The following TMEM132D variants were observed in gnomAD, a reference collection of about 807,000 sequenced individuals.
TMEM132D encodes the protein mature OL transmembrane protein.
In TMEM132D, 21 loss-of-function variants were observed where a neutral mutation model predicts 62.3. The ratio of observed to expected loss-of-function variants is 0.34; its 90% CI spans 0.24 to 0.49. The LOEUF (loss-of-function observed/expected upper bound fraction) is 0.49, where lower values mean the gene tolerates loss of function less well. Among genes scored for constraint, TMEM132D ranks in the 20% least tolerant of loss-of-function variants. TMEM132D has a pLI of 0.99. For missense variants in TMEM132D, 1,346 were observed against 1,402.8 expected, an observed-to-expected ratio of 0.96 and a Z score of 0.65; for synonymous variants, 621 against 575.6, an observed-to-expected ratio of 1.08 and a Z score of -1.13.
chr12:129,870,522 C>A (rs1214486280), intron 1 of TMEM132D, among the ~76,000 whole-genome samples: 1 of 152,162 alleles, frequency 6.6e-6, no homozygotes, highest in African/African-American at 2.4e-5. Context: ...AGCATGATGC[C>A]CTGGATTCCA....
intron 1 of TMEM132D, among the ~76,000 whole-genome samples, chr12:129,896,646 A>C (rs1875145914): frequency 6.6e-6 from 1 of 152,178 alleles, no homozygotes; most frequent in Admixed American, 6.5e-5. Context: ...AGAATAACTT[A>C]ATGTCACTAA....
At chr12:129,396,294 C>T (rs886773794) in intron 3 of TMEM132D, among the ~76,000 whole-genome samples, 14 of 152,096 alleles carry the variant, frequency 9.2e-5, no homozygotes, top group African/African-American at 2.7e-4. Context: ...GGCGGACACT[C>T]TTAATTATCT....
chr12:129,832,078 G>A (rs1179183027), intron 1 of TMEM132D, among the ~76,000 whole-genome samples: 1 of 128,932 alleles, frequency 7.8e-6, no homozygotes, highest in East Asian at 2.3e-4. Flanking sequence ...TAGTAGAGAC[G>A]AGGTTTCACC....
At chr12:129,728,865 T>C (rs1034941801) in intron 1 of TMEM132D, among the ~76,000 whole-genome samples, 2 of 152,150 alleles carry the variant, frequency 1.3e-5, no homozygotes, top group Non-Finnish European at 2.9e-5. Flanking sequence ...CTTCATGTAC[T>C]CCTTTTTCAC....
chr12:129,900,643 A>G (rs12422310), intron 1 of TMEM132D, among the ~76,000 whole-genome samples: 1 of 151,816 alleles, frequency 6.6e-6, no homozygotes, highest in Non-Finnish European at 1.5e-5. Context: ...CCTCTGCCCA[A>G]CTCCAATCTC....
chr12:129,434,992 G>T lies in TMEM132D; in HGVS notation c.1115+96067C>A, dbSNP rs571982142. Among the ~76,000 whole-genome samples, 12 of 152,164 alleles carry T rather than the reference G, an allele frequency of 7.9e-5. No homozygotes were observed. The East Asian group carries it at 1.7e-3, about 22-fold the overall frequency. On this transcript the variant is annotated intron_variant, in intron 3 of 8. Transcript: ENST00000422113. ...GCCCCAGTACCCTCCCTAGCCTCTG[G>T]TAACCTCTACTTTACTGTGTAATTC...
At chr12:129,265,901 A>G (rs1254227606) in intron 4 of TMEM132D, among the ~76,000 whole-genome samples, 1 of 151,978 alleles carries the variant, frequency 6.6e-6, no homozygotes, top group Non-Finnish European at 1.5e-5. Context: ...CCCTCACAGG[A>G]CTCATCTCAT....
intron 1 of TMEM132D, among the ~76,000 whole-genome samples, chr12:129,732,929 C>T (rs755765693): frequency 1.3e-5 from 2 of 152,136 alleles, no homozygotes; most frequent in East Asian, 1.9e-4. Context: ...AATCTCTGGA[C>T]ACCAAGGCTC....
intron 3 of TMEM132D, among the ~76,000 whole-genome samples, chr12:129,453,437 G>A (rs1873365028): frequency 6.6e-6 from 1 of 152,148 alleles, no homozygotes; most frequent in Admixed American, 6.6e-5. Context: ...CAACTGGAGA[G>A]TTCCTTTTCT....
At chr12:129,578,424 G>GTGTGTGTGTGTGTGTGTA (rs773756392) in intron 2 of TMEM132D, among the ~76,000 whole-genome samples, 3 of 150,520 alleles carry the variant, frequency 2.0e-5, no homozygotes, top group African/African-American at 7.3e-5. Flanking sequence ...GTGTGTGTGT[G>GTGTGTGTGTGTGTGTGTA]TATATATATA....
intron 1 of TMEM132D, among the ~76,000 whole-genome samples, chr12:129,886,249 G>A (rs1227593605): frequency 6.6e-6 from 1 of 152,190 alleles, no homozygotes; most frequent in Non-Finnish European, 1.5e-5. Flanking sequence ...TAAAGGAACT[G>A]TCTAATTGTA....
intron 1 of TMEM132D, among the ~76,000 whole-genome samples, chr12:129,730,729 G>A (rs1041394976): frequency 2.6e-5 from 4 of 151,816 alleles, no homozygotes; most frequent in Non-Finnish European, 4.4e-5. Flanking sequence ...CTGCCAGCAC[G>A]GCTGGGATAA....
At chr12:129,487,872 G>C (rs1874634381) in intron 3 of TMEM132D, among the ~76,000 whole-genome samples, 1 of 144,786 alleles carries the variant, frequency 6.9e-6, no homozygotes, top group Non-Finnish European at 1.5e-5. Flanking sequence ...GGGAGGTGGA[G>C]CTTGCAGTGA....
At chr12:129,629,926 C>G (rs1285084399) in intron 2 of TMEM132D, among the ~76,000 whole-genome samples, 2 of 152,144 alleles carry the variant, frequency 1.3e-5, no homozygotes, top group Non-Finnish European at 2.9e-5. Context: ...ATCTATTACT[C>G]AAGATCAAGA....
In TMEM132D at chr12:129,903,875, C is replaced by T. The variant is rs1224404699; in HGVS notation, c.-536G>A. 1.4e-5 allele frequency among the ~76,000 whole-genome samples: 2 copies of T among 146,920 alleles called. No homozygotes were observed. Among genetic ancestry groups the T allele is most frequent in the Non-Finnish European group, 3.0e-5 (2 of 66,044 alleles). On this transcript the variant is annotated 5_prime_UTR_variant, in exon 1 of 9. Transcript: ENST00000422113. The surrounding 1 kb of genome is among the most constrained non-coding windows in gnomAD (Gnocchi z 6.2). ...GGCTCCCTGGCCCGCAGCCCCCATC[C>T]CAGGCCGGCCGCTGCGCCTCGGGGC...
At chr12:129,180,906 G>C (rs904532613) in intron 5 of TMEM132D, among the ~76,000 whole-genome samples, 3 of 152,152 alleles carry the variant, frequency 2.0e-5, no homozygotes, top group Non-Finnish European at 4.4e-5. Flanking sequence ...GGGCTACAGA[G>C]AGGAGTCTAG....
At chr12:129,398,030 C>T (rs1305393317) in intron 3 of TMEM132D, among the ~76,000 whole-genome samples, 1 of 152,200 alleles carries the variant, frequency 6.6e-6, no homozygotes, top group Non-Finnish European at 1.5e-5. Context: ...ACCCAACACC[C>T]CATGTTGCTT....
At chr12:129,812,392 A>G (rs560343188) in intron 1 of TMEM132D, among the ~76,000 whole-genome samples, 7 of 151,910 alleles carry the variant, frequency 4.6e-5, no homozygotes, top group African/African-American at 1.4e-4. Context: ...TGGACATCTA[A>G]AAACCCAACA....
intron 8 of TMEM132D, among the ~76,000 whole-genome samples, chr12:129,076,996 A>G (rs1025540839): frequency 1.3e-5 from 2 of 152,226 alleles, no homozygotes; most frequent in Admixed American, 1.3e-4. Context: ...TTGGCCAAGA[A>G]TTCGATTCTG....
Sources: allele counts gnomAD v4.1 joint callset (sites outside exome capture counted in the v4.1 genomes callset), GRCh38; gene constraint gnomAD v4.1.1; non-coding constraint Gnocchi (gnomAD v3.1); transcripts MANE v1.5; gene names NCBI Gene and HGNC (gene_info 2026-07-23, HGNC 2026-07-21).